ROBO1: variants seen among roughly 807,000 people sequenced by gnomAD.
ROBO1 encodes the protein roundabout homolog 1.
In ROBO1, 149 loss-of-function variants were observed where a neutral mutation model predicts 195.9. The ratio of observed to expected loss-of-function variants is 0.76; its 90% CI spans 0.67 to 0.87. ROBO1 has a LOEUF of 0.87. Among genes scored for constraint, ROBO1 ranks in the 40% least tolerant of loss-of-function variants. The pLI is 0.00. For missense variants in ROBO1, 1,933 were observed against 2,068.3 expected (o/e 0.93, Z 1.27); for synonymous variants, 816 against 733.2 (o/e 1.11, Z -1.82).
intron 2 of ROBO1, among the ~76,000 whole-genome samples, chr3:79,293,517 G>A (rs1400356081): frequency 6.6e-6 from 1 of 151,982 alleles, no homozygotes; most frequent in Non-Finnish European, 1.5e-5. Context: ...TGGTCCTTTA[G>A]TGCTATAATT....
intron 3 of ROBO1, among the ~76,000 whole-genome samples, chr3:79,071,521 C>T (rs1576639483): frequency 6.6e-6 from 1 of 151,726 alleles, no homozygotes; most frequent in South Asian, 2.1e-4. Flanking sequence ...CATAATGTTT[C>T]ATTTGGTTGT....
At position 79,390,550 on chromosome 3, in the gene ROBO1, A is replaced by T. The variant is rs372619620; in HGVS notation, c.88+199274T>A. Among the ~76,000 whole-genome samples, 5 of 152,294 alleles carry T rather than the reference A, an allele frequency of 3.3e-5. No homozygotes were observed. The East Asian group carries it at 9.6e-4, about 29-fold the overall frequency. On this transcript the variant is annotated intron_variant, in intron 2 of 30. Transcript: ENST00000464233. Reference sequence around the variant, plus strand: ...AGGTGTGTGTGGTGTGACGTCATGGAAGCCAAGAGATGAATACGTTTTAGG... The same window carrying T: ...AGGTGTGTGTGGTGTGACGTCATGGTAGCCAAGAGATGAATACGTTTTAGG...
Position 79,729,000 on chromosome 3 carries a change from C to T in ROBO1, c.-51+38752G>A, listed in dbSNP as rs968973797. Among the ~76,000 whole-genome samples, 25 of 151,888 alleles carry T rather than the reference C, an allele frequency of 1.6e-4. 1 individual carries two copies. The highest frequency in any genetic ancestry group is 6.8e-3 in the Middle Eastern group (2 of 294). The stretch of plus-strand genomic sequence containing the variant: ...TAAGAAATATATAATCAAATGTTGA[C>T]CATATGGAAATGTTTTACATATTAG... On this transcript the variant is annotated intron_variant, in intron 1 of 30. Transcript: ENST00000464233.
chr3:79,443,904 G>T (rs2039144777), intron 2 of ROBO1, among the ~76,000 whole-genome samples: 1 of 151,694 alleles, frequency 6.6e-6, no homozygotes, highest in Non-Finnish European at 1.5e-5. Context: ...CTTGACAGTG[G>T]GTATTACAAG....
At chr3:79,673,134 G>T (rs1347435413) in intron 1 of ROBO1, among the ~76,000 whole-genome samples, 1 of 151,950 alleles carries the variant, frequency 6.6e-6, no homozygotes, top group African/African-American at 2.4e-5. Flanking sequence ...ATAAAGGATA[G>T]AATTATTCTC....
intron 27 of ROBO1, among the ~76,000 whole-genome samples, chr3:78,617,345 T>C (rs530296429): frequency 6.6e-6 from 1 of 152,168 alleles, no homozygotes; most frequent in Non-Finnish European, 1.5e-5. Context: ...GTAATACGTA[T>C]ATTTGCTATG....
intron 10 of ROBO1, among the ~76,000 whole-genome samples, chr3:78,684,016 T>C (rs1230616949): frequency 3.3e-5 from 5 of 152,066 alleles, no homozygotes; most frequent in African/African-American, 4.8e-5. Flanking sequence ...TGAAGACTTG[T>C]ATTTCAAATA....
At chr3:79,296,100 C>T (rs1021800902) in intron 2 of ROBO1, among the ~76,000 whole-genome samples, 13 of 152,068 alleles carry the variant, frequency 8.5e-5, no homozygotes, top group African/African-American at 7.2e-5. Flanking sequence ...TGCTTTCGGG[C>T]AATCCAGTTG....
chr3:79,573,162 C>G (rs1387050594), intron 2 of ROBO1, among the ~76,000 whole-genome samples: 1 of 152,056 alleles, frequency 6.6e-6, no homozygotes, highest in African/African-American at 2.4e-5. Flanking sequence ...GGTCCTCCTG[C>G]CTCGTCTTCC....
At chr3:79,346,555 T>A (rs1279055491) in intron 2 of ROBO1, among the ~76,000 whole-genome samples, 2 of 152,128 alleles carry the variant, frequency 1.3e-5, no homozygotes, top group Non-Finnish European at 2.9e-5. Context: ...TTAGGACAGC[T>A]ATCTAAGTGA....
chr3:78,866,281 A>C (rs1576313888), intron 4 of ROBO1, among the ~76,000 whole-genome samples: 1 of 152,222 alleles, frequency 6.6e-6, no homozygotes, highest in East Asian at 1.9e-4. Context: ...TTAGAAAACT[A>C]TTTCATTGTT....
At chr3:79,430,173 T>C (rs959269600) in intron 2 of ROBO1, among the ~76,000 whole-genome samples, 1 of 152,086 alleles carries the variant, frequency 6.6e-6, no homozygotes, top group Non-Finnish European at 1.5e-5. Context: ...TAAGGTACTA[T>C]AGGCCATGCA....
chr3:79,740,963 C>G (rs1703618292), intron 1 of ROBO1, among the ~76,000 whole-genome samples: 1 of 152,168 alleles, frequency 6.6e-6, no homozygotes, highest in Non-Finnish European at 1.5e-5. Flanking sequence ...ATACTATTTT[C>G]TCTACATCTA....
At chr3:79,478,402 A>C (rs372738700) in intron 2 of ROBO1, among the ~76,000 whole-genome samples, 1,105 of 64,420 alleles carry the variant, frequency 0.017, 11 homozygotes, top group African/African-American at 0.06. Context: ...CCCACCCCCC[A>C]AAAAAAAGAC....
At position 79,442,737 on chromosome 3, in the gene ROBO1, T is replaced by G. The variant is rs576486124; in HGVS notation, c.88+147087A>C. 6.6e-5 allele frequency among the ~76,000 whole-genome samples: 10 copies of G among 152,244 alleles called. No homozygotes were observed. In the East Asian group the frequency reaches 1.9e-3, roughly 29 times the overall value. The stretch of plus-strand genomic sequence containing the variant: ...AACCAACTTTTGATACAAATCAGCT[T>G]CAAAACTTTCACTAACACCAGGCTA... On this transcript the variant is annotated intron_variant, in intron 2 of 30. Coordinates refer to ENST00000464233, the MANE Select transcript of ROBO1 (RefSeq NM_002941.4).
At chr3:79,709,642 G>A (rs1387399266) in intron 1 of ROBO1, among the ~76,000 whole-genome samples, 1 of 151,280 alleles carries the variant, frequency 6.6e-6, no homozygotes, top group African/African-American at 2.5e-5. Flanking sequence ...GATACTGGAT[G>A]TCACAATAAC....
At chr3:78,685,537 T>C (rs2081032502) in intron 10 of ROBO1, among the ~76,000 whole-genome samples, 1 of 152,198 alleles carries the variant, frequency 6.6e-6, no homozygotes, top group African/African-American at 2.4e-5. Context: ...TTGCTATGCT[T>C]TTATGAATCT....
Position 78,892,172 on chromosome 3 carries a change from C to A in ROBO1, c.499+46429G>T, listed in dbSNP as rs140818258. ...CTCAGGAGTTTGAGACCACCCTGGG[C>A]AACATGGCAAAACCCTGTCTCTACA... On this transcript the variant is annotated intron_variant, in intron 4 of 30. Transcript: ENST00000464233. Among the ~76,000 whole-genome samples, 330 of 152,254 alleles carry A rather than the reference C, an allele frequency of 2.2e-3. 1 individual carries two copies. Among genetic ancestry groups the A allele is most frequent in the African/African-American group, 7.6e-3 (314 of 41,548 alleles).
chr3:79,497,174 TC>T (rs1344239225), intron 2 of ROBO1, among the ~76,000 whole-genome samples: 2 of 152,220 alleles, frequency 1.3e-5, no homozygotes, highest in Non-Finnish European at 2.9e-5. Context: ...AGATTCTATT[TC>T]TCAGAAAAGA....
Sources: allele counts gnomAD v4.1 joint callset (sites outside exome capture counted in the v4.1 genomes callset), GRCh38; gene constraint gnomAD v4.1.1; transcripts MANE v1.5; gene names NCBI Gene and HGNC (gene_info 2026-07-23, HGNC 2026-07-21).